Variants in ZBTB20 observed in about 807,000 individuals in gnomAD.
ZBTB20 encodes the protein zinc finger and BTB domain-containing protein 20.
A neutral mutation model predicts 56.9 loss-of-function variants in ZBTB20; 9 were observed. The ratio of observed to expected loss-of-function variants is 0.16; its 90% confidence interval spans 0.10 to 0.28. The LOEUF (loss-of-function observed/expected upper bound fraction) is 0.28, where lower values mean the gene tolerates loss of function less well. ZBTB20 is among the 10% of genes least tolerant of loss of function. The pLI is 1.00. For synonymous variants in ZBTB20, 417 were observed against 420.7 expected, an observed-to-expected ratio of 0.99 and a Z score of 0.11; for missense variants, 655 against 1,003.0, an observed-to-expected ratio of 0.65 and a Z score of 4.69.
chr3:115,044,000 C>T (rs1312118455), intron 2 of ZBTB20, among the ~76,000 whole-genome samples: 1 of 152,102 alleles, frequency 6.6e-6, no homozygotes, highest in Non-Finnish European at 1.5e-5. Context: ...TCCTCACCTC[C>T]TTGCTCCTGC....
chr3:114,896,417 A>C (rs2074880954), intron 4 of ZBTB20, among the ~76,000 whole-genome samples: 1 of 152,138 alleles, frequency 6.6e-6, no homozygotes, highest in African/African-American at 2.4e-5. Context: ...TTATTCAGCC[A>C]TAAAAACAAG....
At chr3:114,897,395 G>T (rs2074927913) in intron 4 of ZBTB20, among the ~76,000 whole-genome samples, 1 of 151,700 alleles carries the variant, frequency 6.6e-6, no homozygotes, top group African/African-American at 2.4e-5. Context: ...AAAGAAGGGG[G>T]AAAAAAGAAA....
chr3:114,319,143 G>C lies in ZBTB20; in HGVS notation c.*19862C>G. 1 of 149,394 alleles carries C rather than the reference G, an allele frequency of 6.7e-6. No homozygotes were observed. Among genetic ancestry groups the C allele is most frequent in the Non-Finnish European group, 1.5e-5 (1 of 67,626 alleles). 9.3% of individuals were successfully genotyped at this position (149,394 alleles called of 1,614,324 possible). A position where few individuals can be genotyped will look rare whatever the true frequency, so the allele number is the denominator to read the frequency against. ...GCATATCCTTAAGGGCAAACTTTTC[G>C]ATTAGTTTTTTTCTTTTTTTTTTTT... On this transcript the variant is annotated 3_prime_UTR_variant, in exon 12 of 12. Coordinates refer to ENST00000675478, the MANE Select transcript of ZBTB20 (RefSeq NM_001348800.3).
At position 114,450,159 on chromosome 3, in the gene ZBTB20, C is replaced by T. The variant is rs556476589; in HGVS notation, c.-255+50193G>A. 5.9e-5 allele frequency among the ~76,000 whole-genome samples: 9 copies of T among 152,246 alleles called. No homozygotes were observed. In the South Asian group the frequency reaches 6.2e-4, roughly 11 times the overall value. ...AGTAGACTCACAGAAGGTGCCTCTGCGAAAGATCATACAAATCAACAGCCT... is the reference window on the plus strand; with the variant it reads ...AGTAGACTCACAGAAGGTGCCTCTGTGAAAGATCATACAAATCAACAGCCT... On this transcript the variant is annotated intron_variant, in intron 7 of 11. Transcript: ENST00000675478.
intron 5 of ZBTB20, among the ~76,000 whole-genome samples, chr3:114,722,147 CAA>C (rs2064963015): frequency 1.3e-5 from 2 of 152,092 alleles, no homozygotes; most frequent in Non-Finnish European, 2.9e-5. Flanking sequence ...GTGTAAAAGT[CAA>C]AAGAGTATGA....
At chr3:115,072,880 G>A (rs924603119) in intron 1 of ZBTB20, among the ~76,000 whole-genome samples, 1 of 152,138 alleles carries the variant, frequency 6.6e-6, no homozygotes, top group African/African-American at 2.4e-5. Context: ...AACCAGATGC[G>A]TGACTTTGTG....
intron 2 of ZBTB20, among the ~76,000 whole-genome samples, chr3:115,009,822 C>A (rs908430330): frequency 1.3e-5 from 2 of 151,834 alleles, no homozygotes; most frequent in Non-Finnish European, 2.9e-5. Flanking sequence ...GAAAAAAGGC[C>A]CTCACTAGAT....
intron 6 of ZBTB20, among the ~76,000 whole-genome samples, chr3:114,641,065 T>C (rs977635206): frequency 6.6e-6 from 1 of 152,078 alleles, no homozygotes; most frequent in African/African-American, 2.4e-5. Context: ...TTCTAAAATA[T>C]GTTTAAAAAC....
chr3:115,000,091 A>G (rs934118675), intron 2 of ZBTB20, among the ~76,000 whole-genome samples: 1 of 151,586 alleles, frequency 6.6e-6, no homozygotes, highest in Non-Finnish European at 1.5e-5. Context: ...AGTGCTATTT[A>G]CCATATGAGA....
chr3:115,120,501 G>T (rs2084154831), intron 1 of ZBTB20, among the ~76,000 whole-genome samples: 6 of 151,940 alleles, frequency 3.9e-5, no homozygotes. Flanking sequence ...AGTTATTTTG[G>T]GAACAAAACA....
chr3:114,458,353 GCTTTTTTTT>G (rs1424809112), intron 7 of ZBTB20, among the ~76,000 whole-genome samples: 2 of 152,084 alleles, frequency 1.3e-5, no homozygotes, highest in African/African-American at 2.4e-5. Context: ...CATTTAGGGT[GCTTTTTTTT>G]CTAAATGATC....
At chr3:114,971,444 A>C (rs1341611521) in intron 3 of ZBTB20, among the ~76,000 whole-genome samples, 2 of 152,204 alleles carry the variant, frequency 1.3e-5, no homozygotes, top group African/African-American at 4.8e-5. Flanking sequence ...CTTACCCCAA[A>C]TAACTAAAAT....
intron 10 of ZBTB20, among the ~76,000 whole-genome samples, chr3:114,360,105 T>G (rs2081656957): frequency 6.7e-6 from 1 of 149,860 alleles, no homozygotes; most frequent in African/African-American, 2.4e-5. Flanking sequence ...AATAGTGTCA[T>G]TAAAAAAAAA....
intron 6 of ZBTB20, among the ~76,000 whole-genome samples, chr3:114,663,284 A>T (rs1456146737): frequency 6.6e-6 from 1 of 151,352 alleles, no homozygotes; most frequent in African/African-American, 2.4e-5. Flanking sequence ...TATCCAGCCA[A>T]ACTATGCTTC....
chr3:114,902,022 A>T (rs2075140142), intron 3 of ZBTB20, among the ~76,000 whole-genome samples: 1 of 152,190 alleles, frequency 6.6e-6, no homozygotes, highest in South Asian at 2.1e-4. Flanking sequence ...TGAATTCATA[A>T]ATGTAACCTT....
intron 4 of ZBTB20, among the ~76,000 whole-genome samples, chr3:114,849,960 C>T (rs932718322): frequency 6.7e-5 from 9 of 134,608 alleles, no homozygotes; most frequent in East Asian, 2.3e-4. Context: ...AGTGCAATGG[C>T]GCAATCTCGG....
At chr3:114,841,425 G>A (rs1454084286) in intron 4 of ZBTB20, among the ~76,000 whole-genome samples, 1 of 152,158 alleles carries the variant, frequency 6.6e-6, no homozygotes, top group African/African-American at 2.4e-5. Flanking sequence ...AAAGGGGCAT[G>A]AATCAGTCTA....
chr3:115,010,468 T>C (rs2079653069), intron 2 of ZBTB20, among the ~76,000 whole-genome samples: 2 of 151,948 alleles, frequency 1.3e-5, no homozygotes, highest in Admixed American at 6.6e-5. Context: ...TCTGTATTCT[T>C]GGGAGAAAAC....
intron 6 of ZBTB20, among the ~76,000 whole-genome samples, chr3:114,601,994 C>A (rs1369843838): frequency 1.3e-5 from 2 of 151,932 alleles, no homozygotes; most frequent in Non-Finnish European, 2.9e-5. Flanking sequence ...TATAATCCAC[C>A]AAACCTCTGG....
Sources: gnomAD v4.1 joint callset for allele counts (sites outside exome capture counted in the v4.1 genomes callset) on GRCh38, gnomAD v4.1.1 for gene constraint, MANE v1.5 for transcripts, NCBI Gene and HGNC (gene_info 2026-07-23, HGNC 2026-07-21) for gene names.